NEURL1: variants seen among roughly 807,000 people sequenced by gnomAD.
The protein encoded by NEURL1 is neuralized E3 ubiquitin protein ligase 1.
NEURL1 carries 26 observed loss-of-function variants against 41.2 expected under a neutral mutation model. The ratio of observed to expected loss-of-function variants is 0.63; its 90% CI spans 0.46 to 0.87. The LOEUF is 0.87. Among genes scored for constraint, NEURL1 ranks in the 40% least tolerant of loss-of-function variants. The pLI, the probability that NEURL1 is intolerant of heterozygous loss-of-function variation, is 0.00. For missense variants in NEURL1, 761 were observed against 871.1 expected (o/e 0.87, Z 1.59); for synonymous variants, 400 against 402.3 (o/e 0.99, Z 0.07).
chr10:103,504,677 G>C (rs1048845175), intron 1 of NEURL1, among the ~76,000 whole-genome samples: 1 of 151,824 alleles, frequency 6.6e-6, no homozygotes, highest in African/African-American at 2.4e-5. Flanking sequence ...CTTAAGCGGT[G>C]GGGGGGTTAC....
At position 103,566,027 on chromosome 10, in the gene NEURL1, T is replaced by C. The variant is rs2035416477; in HGVS notation, c.86-4845T>C. On this transcript the variant is annotated intron_variant, in intron 1 of 5. Transcript: ENST00000369780. The surrounding 1 kb of genome is among the most constrained non-coding windows in gnomAD (Gnocchi z 4.2). Reference sequence around the variant, plus strand: ...CTTTTCGAGTGTACAGTTTTGTGAGTTTTTACAATGTACAAGTTGTGTAAC... The same window carrying C: ...CTTTTCGAGTGTACAGTTTTGTGAGCTTTTACAATGTACAAGTTGTGTAAC... Among the ~76,000 whole-genome samples, 1 of 152,018 alleles carries C rather than the reference T, an allele frequency of 6.6e-6. No homozygotes were observed.
At chr10:103,567,061 C>A (rs975703510) in intron 1 of NEURL1, among the ~76,000 whole-genome samples, 1 of 151,524 alleles carries the variant, frequency 6.6e-6, no homozygotes, top group African/African-American at 2.4e-5. Flanking sequence ...CGGCTCACTG[C>A]AACCCTCCGC....
chr10:103,494,278 G>A lies in NEURL1; in HGVS notation c.-110G>A, dbSNP rs1460606268. The A allele has an allele frequency of 6.1e-6, 5 of 816,138 alleles. No individual in the cohort carries two copies. Among genetic ancestry groups the A allele is most frequent in the Non-Finnish European group, 9.3e-6 (5 of 536,096 alleles). The allele number at this position is 816,138 out of a possible 1,614,324, so 50.6% of individuals were successfully genotyped here. ...CGCCCCCGGCTGCAGCCCCAGCAGG[G>A]CCCTCCCCCGGTGGCGCGCACCCGC... is the stretch of plus-strand genomic sequence containing the variant. On this transcript the variant is annotated 5_prime_UTR_variant, in exon 1 of 6. Coordinates refer to ENST00000369780, the MANE Select transcript of NEURL1 (RefSeq NM_004210.5).
intron 1 of NEURL1, among the ~76,000 whole-genome samples, chr10:103,533,757 C>T (rs150827980): frequency 0.053 from 7,994 of 152,186 alleles, 224 homozygotes; most frequent in Middle Eastern, 0.071. Context: ...AGGATGGTCT[C>T]GATCTGCTGA....
intron 1 of NEURL1, among the ~76,000 whole-genome samples, chr10:103,527,916 A>G (rs2034493707): frequency 6.6e-6 from 1 of 152,162 alleles, no homozygotes; most frequent in Admixed American, 6.5e-5. Context: ...AGAGGAGCTC[A>G]GTCAGAAAAC....
chr10:103,590,519 G>A lies in NEURL1; in HGVS notation c.*147G>A. On this transcript the variant is annotated 3_prime_UTR_variant, in exon 6 of 6. Transcript: ENST00000369780. ...ACATGGGAAACTGAAGCCCTTGAAG[G>A]TTTGGGGAGAGGGGGGTATCAGGCA... 1.5e-6 allele frequency: 1 copy of A among 658,072 alleles called. No individual in the cohort carries two copies. Among genetic ancestry groups the A allele is most frequent in the East Asian group, 2.7e-5 (1 of 36,652 alleles). The allele number at this position is 658,072 out of a possible 1,614,324, so 40.8% of individuals were successfully genotyped here. A position where few individuals can be genotyped will look rare whatever the true frequency, so the allele number is the denominator to read the frequency against.
At chr10:103,538,203 T>G (rs1255331446) in intron 1 of NEURL1, among the ~76,000 whole-genome samples, 2 of 151,950 alleles carry the variant, frequency 1.3e-5, no homozygotes, top group African/African-American at 4.8e-5. Context: ...CAAGTGATTG[T>G]CGTGCCTCAG....
intron 1 of NEURL1, among the ~76,000 whole-genome samples, chr10:103,531,778 C>T (rs1326490823): frequency 2.0e-5 from 3 of 152,152 alleles, no homozygotes; most frequent in African/African-American, 7.2e-5. Flanking sequence ...CCTCAGTCTC[C>T]CAAAGTGCTG....
chr10:103,577,998 C>A (rs2035701708), intron 3 of NEURL1: 1 of 152,158 alleles, frequency 6.6e-6, no homozygotes, highest in Admixed American at 6.5e-5. Flanking sequence ...GTACTGGGGC[C>A]TTGGAGAGAG....
At chr10:103,533,238 C>A (rs963239374) in intron 1 of NEURL1, among the ~76,000 whole-genome samples, 14 of 151,972 alleles carry the variant, frequency 9.2e-5, no homozygotes, top group African/African-American at 3.1e-4. Context: ...TTCTCTTCTC[C>A]TTTTAAAACT....
intron 1 of NEURL1, among the ~76,000 whole-genome samples, chr10:103,535,989 G>T (rs967239887): frequency 6.6e-6 from 1 of 152,228 alleles, no homozygotes; most frequent in Admixed American, 6.5e-5. Flanking sequence ...GAGCACTGCT[G>T]TGTGGACTCC....
In NEURL1 at chr10:103,590,371, AGCCCGTTGCGGTG is replaced by A; in HGVS notation, c.*4_*16del. The A allele has an allele frequency of 6.2e-7, 1 of 1,612,120 alleles. No individual in the cohort carries two copies. Among genetic ancestry groups the A allele is most frequent in the Middle Eastern group, 1.7e-4 (1 of 6,056 alleles). ...ATCATCAAGACCTACCGCAGCTCCT[AGCCCGTTGCGGTG>A]GCCCATCCCGCATACCCATCTTCTC... On this transcript the variant is annotated stop_retained_variant and 3_prime_UTR_variant, in exon 6 of 6. Coordinates refer to ENST00000369780, the MANE Select transcript of NEURL1 (RefSeq NM_004210.5).
Position 103,508,310 on chromosome 10 carries a change from G to A in NEURL1, c.85+13838G>A, listed in dbSNP as rs201906647. On this transcript the variant is annotated intron_variant, in intron 1 of 5. Transcript: ENST00000369780. The surrounding 1 kb of genome is among the most constrained non-coding windows in gnomAD (Gnocchi z 4.3). The stretch of plus-strand genomic sequence containing the variant: ...AATTGCCACAGGACTGTGAAAGTCC[G>A]ATCTTCCAAATCTCACTCAGATTCT... 2.6e-5 allele frequency among the ~76,000 whole-genome samples: 4 copies of A among 152,344 alleles called. No individual in the cohort carries two copies. The East Asian group carries it at 7.7e-4, about 29-fold the overall frequency.
Position 103,558,297 on chromosome 10 carries a change from C to A in NEURL1, c.86-12575C>A. 1 of 964,650 alleles carries A rather than the reference C, an allele frequency of 1.0e-6. No homozygotes were observed. Among genetic ancestry groups the A allele is most frequent in the Non-Finnish European group, 1.2e-6 (1 of 811,220 alleles). 59.8% of individuals were successfully genotyped at this position (964,650 alleles called of 1,614,324 possible). A position where few individuals can be genotyped will look rare whatever the true frequency, so the allele number is the denominator to read the frequency against. ...AGGACCCAGGACTCTGTATGTGTGT[C>A]GGGGGTCATCTAATTGTGTGTTTTG... On this transcript the variant is annotated intron_variant, in intron 1 of 5. Coordinates refer to ENST00000369780, the MANE Select transcript of NEURL1 (RefSeq NM_004210.5). The surrounding 1 kb of genome is among the most constrained non-coding windows in gnomAD (Gnocchi z 4.2).
chr10:103,523,789 G>A (rs1233094834), intron 1 of NEURL1, among the ~76,000 whole-genome samples: 3 of 152,046 alleles, frequency 2.0e-5, no homozygotes, highest in African/African-American at 7.3e-5. Context: ...TTTTTTAAAT[G>A]GCTAAATAGT....
chr10:103,498,376 G>A (rs946149428), intron 1 of NEURL1, among the ~76,000 whole-genome samples: 5 of 152,134 alleles, frequency 3.3e-5, no homozygotes, highest in African/African-American at 9.7e-5. Context: ...ACAGGCGCCC[G>A]CCACCGCGCC....
intron 1 of NEURL1, among the ~76,000 whole-genome samples, chr10:103,521,183 GTTCTACTGAAT>G (rs1275409889): frequency 8.5e-5 from 13 of 152,196 alleles, no homozygotes; most frequent in Middle Eastern, 3.4e-3. Flanking sequence ...GGGTATGAAG[GTTCTACTGAAT>G]ACCCAAAGCC....
At chr10:103,534,270 C>A (rs2034645892) in intron 1 of NEURL1, among the ~76,000 whole-genome samples, 1 of 148,144 alleles carries the variant, frequency 6.8e-6, no homozygotes, top group African/African-American at 2.5e-5. Flanking sequence ...CCATTTGGGT[C>A]TCTTACTAGT....
At chr10:103,559,610 G>C (rs940556437) in intron 1 of NEURL1, among the ~76,000 whole-genome samples, 2 of 152,184 alleles carry the variant, frequency 1.3e-5, no homozygotes, top group Non-Finnish European at 2.9e-5. Context: ...CTTGCTGGCT[G>C]TGTGACTTTG....
Sources: gnomAD v4.1 joint callset for allele counts (sites outside exome capture counted in the v4.1 genomes callset) on GRCh38, gnomAD v4.1.1 for gene constraint, Gnocchi (gnomAD v3.1) non-coding constraint, MANE v1.5 for transcripts, NCBI Gene and HGNC (gene_info 2026-07-23, HGNC 2026-07-21) for gene names.